Variants in RAP1GAP observed in about 807,000 individuals in gnomAD.
RAP1GAP encodes the protein RAP1 GTPase activating protein.
RAP1GAP carries 35 observed loss-of-function variants against 87.2 expected under a neutral mutation model. The observed-to-expected ratio is 0.40, with a 90% CI of 0.31 to 0.53. The LOEUF (loss-of-function observed/expected upper bound fraction) is 0.53, where lower values mean the gene tolerates loss of function less well. Among genes scored for constraint, RAP1GAP ranks in the 20% least tolerant of loss-of-function variants. The probability of loss-of-function intolerance (pLI) is 0.48; values close to 1 mark genes in which losing one functional copy is unlikely to be tolerated. For synonymous variants in RAP1GAP, 375 were observed against 363.9 expected, an observed-to-expected ratio of 1.03 and a Z score of -0.35; for missense variants, 734 against 898.9, an observed-to-expected ratio of 0.82 and a Z score of 2.35.
At chr1:21,667,770 C>G (rs978734863) in intron 1 of RAP1GAP, 1 of 152,276 alleles carries the variant, frequency 6.6e-6, no homozygotes, top group Non-Finnish European at 1.5e-5. Flanking sequence ...CCTCTCCGAG[C>G]CTCAGTTTCC....
intron 1 of RAP1GAP, among the ~76,000 whole-genome samples, chr1:21,657,831 G>A (rs1479792437): frequency 2.0e-5 from 3 of 152,158 alleles, no homozygotes; most frequent in Non-Finnish European, 2.9e-5. Context: ...ATCTATAATG[G>A]GGGGAGAGAG....
chr1:21,649,203 G>A (rs74671214), intron 2 of RAP1GAP, among the ~76,000 whole-genome samples: 7,017 of 152,194 alleles, frequency 0.046, 198 homozygotes, highest in African/African-American at 0.062. Context: ...CAGTTGCCTC[G>A]TTCCCTCCTC....
rs41307882 is a variant in RAP1GAP at position 21,603,162 on chromosome 1, C to G, written c.1429-249G>C. 1.8e-5 allele frequency: 9 copies of G among 503,336 alleles called. No homozygotes were observed. Among genetic ancestry groups the G allele is most frequent in the Non-Finnish European group, 2.8e-5 (8 of 281,498 alleles). 31.2% of individuals were successfully genotyped at this position (503,336 alleles called of 1,614,324 possible). On this transcript the variant is annotated intron_variant, in intron 18 of 24. Transcript: ENST00000374765. The surrounding 1 kb of genome is among the most constrained non-coding windows in gnomAD (Gnocchi z 6.0). ...CGTCAATACTGGCCCAGGATTAGGACAGCATCCTGAGGGGGCTAGGGTGGG... is the reference window on the plus strand; with the variant it reads ...CGTCAATACTGGCCCAGGATTAGGAGAGCATCCTGAGGGGGCTAGGGTGGG...
chr1:21,602,578 C>A (rs898741508), intron 19 of RAP1GAP, among the ~76,000 whole-genome samples: 1 of 152,230 alleles, frequency 6.6e-6, no homozygotes, highest in African/African-American at 2.4e-5. Context: ...CTGGGCAAGC[C>A]CCTTGACTCC....
intron 1 of RAP1GAP, among the ~76,000 whole-genome samples, chr1:21,667,940 C>T (rs1051297336): frequency 2.0e-5 from 3 of 152,196 alleles, no homozygotes; most frequent in Non-Finnish European, 4.4e-5. Flanking sequence ...TGGGGGCTCT[C>T]AGAGTGAGGC....
In RAP1GAP at chr1:21,668,737, G is replaced by A. The variant is rs567673298; in HGVS notation, c.-149+517C>T. 6.6e-6 allele frequency: 1 copy of A among 152,274 alleles called. No homozygotes were observed. The allele number at this position is 152,274 out of a possible 1,614,324, so 9.4% of individuals were successfully genotyped here. A position where few individuals can be genotyped will look rare whatever the true frequency, so the allele number is the denominator to read the frequency against. ...GGTCAGGGACAGGGGAATGCGTCCT[G>A]TCTCTGGGGATGCAAGGACATCACC... is the stretch of plus-strand genomic sequence containing the variant. On this transcript the variant is annotated intron_variant, in intron 1 of 24. Transcript: ENST00000374765. The surrounding 1 kb of genome is among the most constrained non-coding windows in gnomAD (Gnocchi z 6.2).
At chr1:21,637,337 T>G (rs1259108956) in intron 2 of RAP1GAP, among the ~76,000 whole-genome samples, 1 of 145,142 alleles carries the variant, frequency 6.9e-6, no homozygotes, top group Non-Finnish European at 1.5e-5. Context: ...TTTTTTTTTG[T>G]AGAGACAGGG....
chr1:21,619,184 G>T, intron 4 of RAP1GAP, 112 bp from the exon 5 acceptor site: 2 of 1,134,622 alleles, frequency 1.8e-6, no homozygotes, highest in Non-Finnish European at 2.5e-6. Flanking sequence ...CGAAGGTAGG[G>T]GTACTCCCAG....
intron 2 of RAP1GAP, among the ~76,000 whole-genome samples, chr1:21,628,472 C>T (rs77972946): frequency 0.22 from 32,298 of 147,562 alleles, 4,072 homozygotes; most frequent in East Asian, 0.35. Flanking sequence ...GTAATCCCAG[C>T]ACTTTGGGAG....
At position 21,601,794 on chromosome 1, in the gene RAP1GAP, C is replaced by G; in HGVS notation, c.1542G>C (p.Glu514Asp). Residue 514 changes from glutamate to aspartate, a missense_variant, in exon 20 of 25, where the codon GAG (glutamate) becomes GAC (aspartate). Glu to Asp is a conservative substitution (Grantham distance 45). Around this residue, in one of 2 missense-constraint regions of RAP1GAP, gnomAD observed 249 missense variants for 252.7 expected, o/e 0.99. Coordinates refer to ENST00000374765, the MANE Select transcript of RAP1GAP (RefSeq NM_002885.4). ...ENIQEVQEKRESPPAGQKTPD... is the reference protein window; with the variant it reads ...ENIQEVQEKRDSPPAGQKTPD... ...GGGTCTTCTGACCAGCCGGAGGGCTCTCCCTGCGGGGCACACGGGGGCAGC... is the reference window on the plus strand; with the variant it reads ...GGGTCTTCTGACCAGCCGGAGGGCTGTCCCTGCGGGGCACACGGGGGCAGC... 6.2e-7 allele frequency: 1 copy of G among 1,603,220 alleles called. No individual in the cohort carries two copies. The highest frequency in any genetic ancestry group is 8.5e-7 in the Non-Finnish European group (1 of 1,174,850).
rs1249630396 is a variant in RAP1GAP at position 21,622,349 on chromosome 1, GC to G, written c.-18-2300del. 3.0e-5 allele frequency: 14 copies of G among 470,838 alleles called. No individual in the cohort carries two copies. Among genetic ancestry groups the G allele is most frequent in the Non-Finnish European group, 3.8e-5 (10 of 266,542 alleles). 29.2% of individuals were successfully genotyped at this position (470,838 alleles called of 1,614,324 possible). A position where few individuals can be genotyped will look rare whatever the true frequency, so the allele number is the denominator to read the frequency against. On this transcript the variant is annotated intron_variant, in intron 3 of 24. Coordinates refer to ENST00000374765, the MANE Select transcript of RAP1GAP (RefSeq NM_002885.4). The surrounding 1 kb of genome is among the most constrained non-coding windows in gnomAD (Gnocchi z 5.7). Reference sequence around the variant, plus strand: ...CGCCCGGGTCCTCACCTGCCAGCTGGCCCCCGCGGGCAGCGAGCCCCTCCGC... The same window carrying G: ...CGCCCGGGTCCTCACCTGCCAGCTGGCCCCGCGGGCAGCGAGCCCCTCCGC...
At chr1:21,604,782 T>C (rs1365958756) in intron 18 of RAP1GAP, among the ~76,000 whole-genome samples, 3 of 150,782 alleles carry the variant, frequency 2.0e-5, no homozygotes, top group African/African-American at 4.9e-5. Context: ...AAAGGATGGA[T>C]GGATGGATGG....
At chr1:21,665,857 T>C (rs897531353) in intron 1 of RAP1GAP, among the ~76,000 whole-genome samples, 1 of 152,052 alleles carries the variant, frequency 6.6e-6, no homozygotes, top group African/African-American at 2.4e-5. Context: ...CTGCAGGAAG[T>C]CATCAGCCTG....
rs2075983477 is a variant in RAP1GAP, at chr1:21,608,127, G to A, written c.1296+86C>T. ...TTCTGCCAGACTCCACCCCCACGCCGTGTCCATCAGTCTATCAGCCTCAGC... is the reference window on the plus strand; with the variant it reads ...TTCTGCCAGACTCCACCCCCACGCCATGTCCATCAGTCTATCAGCCTCAGC... On this transcript the variant is annotated intron_variant, in intron 17 of 24. Coordinates refer to ENST00000374765, the MANE Select transcript of RAP1GAP (RefSeq NM_002885.4). 6 of 1,511,876 alleles carry A rather than the reference G, an allele frequency of 4.0e-6. No homozygotes were observed. In the Admixed American group the frequency reaches 5.7e-5, roughly 14 times the overall value. The allele number at this position is 1,511,876 out of a possible 1,614,324, so 93.7% of individuals were successfully genotyped here.
intron 20 of RAP1GAP, among the ~76,000 whole-genome samples, chr1:21,601,463 C>T (rs956317628): frequency 2.0e-5 from 3 of 152,360 alleles, no homozygotes; most frequent in East Asian, 1.9e-4. Context: ...GGGACCTATG[C>T]GCAGGGCACC....
At chr1:21,608,470 G>A in intron 16 of RAP1GAP, 120 bp from the exon 17 acceptor site, 1 of 1,324,340 alleles carries the variant, frequency 7.6e-7, no homozygotes, top group Non-Finnish European at 1.0e-6. Flanking sequence ...GGGGAGTGGG[G>A]AGGGCGGAGG....
chr1:21,604,880 GAT>G (rs2072914015), intron 18 of RAP1GAP, among the ~76,000 whole-genome samples: 4 of 147,270 alleles, frequency 2.7e-5, no homozygotes, highest in Non-Finnish European at 4.5e-5. Flanking sequence ...TGGATGGATG[GAT>G]GGATGGGTGG....
At position 21,597,994 on chromosome 1, in the gene RAP1GAP, C is replaced by T. The variant is rs779304734; in HGVS notation, c.1950G>A (p.Gln650=). The T allele has an allele frequency of 1.3e-6, 2 of 1,580,084 alleles. No individual in the cohort carries two copies. The highest frequency in any genetic ancestry group is 1.2e-5 in the South Asian group (1 of 86,576). ...GCATGTGCTGCTCAGATGCTTCCAG[C>T]TGGATCTTGATCTCGGGACACGCAG... ...GDPACPEIKI[Q]LEASEQHMPQ... Residue 650 remains glutamine, a synonymous_variant, in exon 23 of 25, where the codon CAG becomes CAA. Coordinates refer to ENST00000374765, the MANE Select transcript of RAP1GAP (RefSeq NM_002885.4).
Position 21,609,040 on chromosome 1 carries a change from C to CCCCAGCAGAGCATGGT in RAP1GAP, c.1072-105_1072-104insACCATGCTCTGCTGGG. On this transcript the variant is annotated intron_variant, in intron 15 of 24. Coordinates refer to ENST00000374765, the MANE Select transcript of RAP1GAP (RefSeq NM_002885.4). The surrounding 1 kb of genome is among the most constrained non-coding windows in gnomAD (Gnocchi z 4.4). ...CAGAGGCTGCAGCTCCTGAACCATG[C>CCCCAGCAGAGCATGGT]TCTGCTGGGGCCTGGGGTCACCCTC... 1 of 974,048 alleles carries CCCCAGCAGAGCATGGT rather than the reference C, an allele frequency of 1.0e-6. No homozygotes were observed. The highest frequency in any genetic ancestry group is 1.6e-6 in the Non-Finnish European group (1 of 609,870). 60.3% of individuals were successfully genotyped at this position (974,048 alleles called of 1,614,324 possible).
Sources: allele counts gnomAD v4.1 joint callset (sites outside exome capture counted in the v4.1 genomes callset), GRCh38; gene constraint gnomAD v4.1.1; regional missense constraint gnomAD v4.1.1; non-coding constraint Gnocchi (gnomAD v3.1); transcripts MANE v1.5; gene names NCBI Gene and HGNC (gene_info 2026-07-23, HGNC 2026-07-21).